The following ASIC2 variants were observed in gnomAD, a reference collection of about 807,000 sequenced individuals.
ASIC2 encodes acid-sensing ion channel 2.
In ASIC2, 25 loss-of-function variants were observed where a neutral mutation model predicts 57.3. That is an observed-to-expected ratio of 0.44 (90% confidence interval 0.32 to 0.61). The LOEUF (loss-of-function observed/expected upper bound fraction) is 0.61, where lower values mean the gene tolerates loss of function less well. ASIC2 is among the 20% of genes least tolerant of loss of function. The pLI is 0.06. For missense variants in ASIC2, 641 were observed against 738.1 expected, an observed-to-expected ratio of 0.87 and a Z score of 1.52; for synonymous variants, 319 against 307.5, an observed-to-expected ratio of 1.04 and a Z score of -0.39.
chr17:33,704,146 A>G (rs1024669371), intron 1 of ASIC2, among the ~76,000 whole-genome samples: 1 of 152,212 alleles, frequency 6.6e-6, no homozygotes, highest in African/African-American at 2.4e-5. Flanking sequence ...CATACAGTCA[A>G]CACAATAAGC....
chr17:33,413,487 A>T (rs1404085556), intron 1 of ASIC2, among the ~76,000 whole-genome samples: 1 of 152,018 alleles, frequency 6.6e-6, no homozygotes, highest in South Asian at 2.1e-4. Context: ...TGTTGCTGCC[A>T]CTCTGGTCCA....
At chr17:33,576,271 G>A (rs540202543) in intron 1 of ASIC2, among the ~76,000 whole-genome samples, 19 of 152,260 alleles carry the variant, frequency 1.2e-4, no homozygotes, top group Admixed American at 3.3e-4. Context: ...AAAGAGCACA[G>A]ACTTCAGAGA....
intron 1 of ASIC2, among the ~76,000 whole-genome samples, chr17:33,178,301 A>C (rs924558312): frequency 1.4e-4 from 21 of 152,188 alleles, no homozygotes; most frequent in African/African-American, 4.8e-4. Flanking sequence ...TTAAAATATG[A>C]CTGTCATACA....
chr17:33,914,656 G>T (rs1211547078), intron 1 of ASIC2, among the ~76,000 whole-genome samples: 1 of 152,216 alleles, frequency 6.6e-6, no homozygotes, highest in Non-Finnish European at 1.5e-5. Flanking sequence ...ACGCAGTGTT[G>T]TAGGGACCTG....
intron 1 of ASIC2, among the ~76,000 whole-genome samples, chr17:33,422,879 C>T (rs1051148128): frequency 6.6e-6 from 1 of 152,094 alleles, no homozygotes; most frequent in Non-Finnish European, 1.5e-5. Context: ...TCTCTAGGGA[C>T]AGTGGTAGGA....
At chr17:33,930,407 T>C (rs1915906715) in intron 1 of ASIC2, among the ~76,000 whole-genome samples, 1 of 152,202 alleles carries the variant, frequency 6.6e-6, no homozygotes, top group South Asian at 2.1e-4. Context: ...TGCCACCCTT[T>C]CACAACCCTG....
chr17:33,243,635 A>G (rs41423745), intron 1 of ASIC2, among the ~76,000 whole-genome samples: 128 of 152,342 alleles, frequency 8.4e-4, no homozygotes, highest in African/African-American at 2.7e-3. Context: ...TTCAACATAC[A>G]GGAACGATCC....
chr17:33,735,851 T>C (rs146449486), intron 1 of ASIC2, among the ~76,000 whole-genome samples: 122 of 152,270 alleles, frequency 8.0e-4, no homozygotes, highest in Non-Finnish European at 1.4e-3. Context: ...ACAAGCCTTA[T>C]TTTTCTTCCA....
At chr17:33,194,438 G>A (rs971105471) in intron 1 of ASIC2, among the ~76,000 whole-genome samples, 1 of 152,138 alleles carries the variant, frequency 6.6e-6, no homozygotes, top group African/African-American at 2.4e-5. Flanking sequence ...GGATAGATAT[G>A]AAATTGCTCA....
At chr17:33,942,027 G>A (rs983130442) in intron 1 of ASIC2, among the ~76,000 whole-genome samples, 1 of 152,176 alleles carries the variant, frequency 6.6e-6, no homozygotes, top group African/African-American at 2.4e-5. Context: ...ACAAATAAAC[G>A]AGGTATCTGG....
chr17:33,612,940 A>T (rs879244610), intron 1 of ASIC2, among the ~76,000 whole-genome samples: 1 of 152,168 alleles, frequency 6.6e-6, no homozygotes, highest in African/African-American at 2.4e-5. Flanking sequence ...GGACTCACTC[A>T]TTGATTCACA....
chr17:33,610,618 C>T (rs1395099598), intron 1 of ASIC2, among the ~76,000 whole-genome samples: 1 of 152,050 alleles, frequency 6.6e-6, no homozygotes, highest in Non-Finnish European at 1.5e-5. Flanking sequence ...CATCCCAACA[C>T]TTTGGGAGGC....
intron 1 of ASIC2, among the ~76,000 whole-genome samples, chr17:34,139,996 C>T (rs998663667): frequency 5.9e-5 from 9 of 152,160 alleles, no homozygotes; most frequent in African/African-American, 2.2e-4. Context: ...GACAAAATAA[C>T]CAAATGCAAC....
At chr17:33,956,686 C>G (rs1158218350) in intron 1 of ASIC2, among the ~76,000 whole-genome samples, 1 of 152,226 alleles carries the variant, frequency 6.6e-6, no homozygotes, top group African/African-American at 2.4e-5. Flanking sequence ...TAACAGTCAG[C>G]ACACTTGCAG....
At chr17:33,111,784 T>A in intron 2 of ASIC2, 133 bp downstream of exon 2, 1 of 1,296,872 alleles carries the variant, frequency 7.7e-7, no homozygotes, top group Non-Finnish European at 1.0e-6. Context: ...CTTTATGATC[T>A]AGCAGCATGT....
intron 1 of ASIC2, among the ~76,000 whole-genome samples, chr17:34,043,084 T>C (rs1179551260): frequency 2.6e-5 from 4 of 152,054 alleles, no homozygotes; most frequent in Non-Finnish European, 4.4e-5. Context: ...AAAATATACA[T>C]GAAATAAACC....
intron 1 of ASIC2, among the ~76,000 whole-genome samples, chr17:33,712,373 C>T (rs905199728): frequency 6.6e-6 from 1 of 152,214 alleles, no homozygotes; most frequent in African/African-American, 2.4e-5. Flanking sequence ...AATCTTTGTT[C>T]CCAAGCATCT....
At chr17:33,346,948 C>T (rs761273909) in intron 1 of ASIC2, among the ~76,000 whole-genome samples, 17 of 152,102 alleles carry the variant, frequency 1.1e-4, no homozygotes, top group Non-Finnish European at 2.5e-4. Context: ...AGTACAGACA[C>T]CTTTTCAAAA....
chr17:33,798,644 T>C (rs1432542627), intron 1 of ASIC2, among the ~76,000 whole-genome samples: 11 of 152,184 alleles, frequency 7.2e-5, no homozygotes, highest in Non-Finnish European at 1.3e-4. Context: ...GAGGAAATCA[T>C]CTTCAGGAAT....
Sources: gnomAD v4.1 joint callset for allele counts (sites outside exome capture counted in the v4.1 genomes callset) on GRCh38, gnomAD v4.1.1 for gene constraint, MANE v1.5 for transcripts, NCBI Gene and HGNC (gene_info 2026-07-23, HGNC 2026-07-21) for gene names.